The following AOX1 variants were observed in gnomAD, a reference collection of about 807,000 sequenced individuals.
AOX1 encodes aldehyde oxidase.
In AOX1, 153 loss-of-function variants were observed where a neutral mutation model predicts 169.5. The ratio of observed to expected loss-of-function variants is 0.90; its 90% CI spans 0.79 to 1.03. The LOEUF is 1.03. Among genes scored for constraint, AOX1 ranks in the 50% least tolerant of loss-of-function variants. The probability of loss-of-function intolerance (pLI) is 0.00; values close to 1 mark genes in which losing one functional copy is unlikely to be tolerated. For synonymous variants in AOX1, 562 were observed against 581.9 expected, an observed-to-expected ratio of 0.97 and a Z score of 0.49; for missense variants, 1,656 against 1,663.9, an observed-to-expected ratio of 1.00 and a Z score of 0.08.
intron 26 of AOX1, among the ~76,000 whole-genome samples, chr2:200,656,121 A>C (rs973565875): frequency 1.3e-5 from 2 of 152,232 alleles, no homozygotes; most frequent in Non-Finnish European, 2.9e-5. Flanking sequence ...GTTGCCTTGC[A>C]GGCTTTCCCG....
chr2:200,591,682 A>G (rs962675229), intron 1 of AOX1, among the ~76,000 whole-genome samples: 5 of 152,222 alleles, frequency 3.3e-5, no homozygotes, highest in Non-Finnish European at 7.3e-5. Flanking sequence ...CATCTCCATG[A>G]TTCAGGAATT....
At position 200,643,398 on chromosome 2, in the gene AOX1, C is replaced by CATATAT. The variant is rs1553575177; in HGVS notation, c.2847+607_2847+612dup. On this transcript the variant is annotated intron_variant, in intron 25 of 34. Transcript: ENST00000374700. ...GTGTATATATATATACACACACACA[C>CATATAT]ATATATATATATATACATACATACA... 1.2e-3 allele frequency among the ~76,000 whole-genome samples: 179 copies of CATATAT among 148,884 alleles called. 1 individual carries two copies. Among genetic ancestry groups the CATATAT allele is most frequent in the South Asian group, 4.5e-3 (21 of 4,704 alleles).
intron 18 of AOX1, among the ~76,000 whole-genome samples, chr2:200,623,137 A>G (rs1230413695): frequency 2.0e-5 from 3 of 152,264 alleles, no homozygotes; most frequent in African/African-American, 7.2e-5. Context: ...GAATCACAGC[A>G]TAAAGTAGGA....
chr2:200,627,045 G>A (rs1199706831), intron 19 of AOX1, among the ~76,000 whole-genome samples: 1 of 152,228 alleles, frequency 6.6e-6, no homozygotes, highest in Non-Finnish European at 1.5e-5. Context: ...TACATGAAAT[G>A]GATTGTGGTG....
chr2:200,670,933 T>C lies in AOX1; in HGVS notation c.*254T>C. The C allele has an allele frequency of 2.5e-6, 1 of 397,338 alleles. No individual in the cohort carries two copies. Among genetic ancestry groups the C allele is most frequent in the Non-Finnish European group, 4.5e-6 (1 of 222,720 alleles). The allele number at this position is 397,338 out of a possible 1,614,324, so 24.6% of individuals were successfully genotyped here. On this transcript the variant is annotated 3_prime_UTR_variant, in exon 35 of 35. Coordinates refer to ENST00000374700, the MANE Select transcript of AOX1 (RefSeq NM_001159.4). ...CCTCTAGGGTGATATCCGTCATTAC[T>C]CTGTCTCTTCAATCCATCCAGCTAA...
At chr2:200,617,506 AT>A (rs1247210921) in intron 16 of AOX1, among the ~76,000 whole-genome samples, 91 of 146,492 alleles carry the variant, frequency 6.2e-4, no homozygotes, top group African/African-American at 1.9e-3. Context: ...AAAAAAAAAA[AT>A]GTATGATATC....
intron 3 of AOX1, among the ~76,000 whole-genome samples, chr2:200,596,597 A>G (rs778450045): frequency 1.8e-4 from 28 of 152,190 alleles, no homozygotes; most frequent in Admixed American, 7.2e-4. Context: ...ATCAGCCCAC[A>G]TGCAACCATT....
rs1317709473 is a variant in AOX1 at position 200,641,093 on chromosome 2, C to A, written c.2569-5C>A. On this transcript the variant is annotated splice_polypyrimidine_tract_variant and splice_region_variant and intron_variant, in intron 23 of 34. Coordinates refer to ENST00000374700, the MANE Select transcript of AOX1 (RefSeq NM_001159.4). The stretch of plus-strand genomic sequence containing the variant: ...CCAGCATTCGATATCGGTTCTCTTC[C>A]CCAGGCTGGATTCATGAACGATGGC... The A allele has an allele frequency of 1.9e-6, 3 of 1,612,224 alleles. No homozygotes were observed. The highest frequency in any genetic ancestry group is 2.7e-5 in the African/African-American group (2 of 74,822).
chr2:200,643,398 C>CACGT (rs142362161), intron 25 of AOX1, among the ~76,000 whole-genome samples: 1 of 148,794 alleles, frequency 6.7e-6, no homozygotes, highest in Non-Finnish European at 1.5e-5. Flanking sequence ...CACACACACA[C>CACGT]ATATATATAT....
At chr2:200,626,345 C>G (rs999491040) in intron 19 of AOX1, among the ~76,000 whole-genome samples, 4 of 152,166 alleles carry the variant, frequency 2.6e-5, no homozygotes, top group African/African-American at 9.7e-5. Context: ...GGGGTGTTGT[C>G]TAGACACCTA....
chr2:200,624,021 C>G (rs374047581), intron 19 of AOX1, 38 bp downstream of exon 19: 184 of 1,609,718 alleles, frequency 1.1e-4, no homozygotes, highest in African/African-American at 2.7e-4. Context: ...CAGTTGGGAG[C>G]CAGAACAAAT....
At chr2:200,643,696 T>A (rs892867956) in intron 25 of AOX1, among the ~76,000 whole-genome samples, 25 of 152,096 alleles carry the variant, frequency 1.6e-4, no homozygotes, top group African/African-American at 6.0e-4. Context: ...GTGTTCCCTG[T>A]TCACCACATC....
At position 200,605,626 on chromosome 2, in the gene AOX1, A is replaced by G. The variant is rs1296549911; in HGVS notation, c.905A>G (p.Asn302Ser). Residue 302 changes from asparagine to serine, a missense_variant and splice_region_variant, in exon 10 of 35, where the codon AAT becomes AGT. Physicochemically the swap from Asn to Ser is conservative, Grantham distance 46. Transcript: ENST00000374700. The part of the protein sequence containing the change: ...EELSVVNHAY[N>S]GLTLGAGLSL... ...CTGAGTGTTGTAAACCATGCATATA[A>G]TGGTGAGTTCTCAAGTCCCTGTTTT... 1.1e-5 allele frequency: 16 copies of G among 1,492,742 alleles called. No homozygotes were observed. In the East Asian group the frequency reaches 3.9e-4, roughly 36 times the overall value. The allele number at this position is 1,492,742 out of a possible 1,614,324, so 92.5% of individuals were successfully genotyped here.
chr2:200,615,857 A>G, intron 15 of AOX1, 114 bp from the exon 16 acceptor site: 1 of 729,990 alleles, frequency 1.4e-6, no homozygotes, highest in South Asian at 1.7e-5. Context: ...AGTGCTTAAT[A>G]TACGTGAGAC....
At chr2:200,587,115 CAAACA>C (rs1003625489) in intron 1 of AOX1, among the ~76,000 whole-genome samples, 3 of 146,834 alleles carry the variant, frequency 2.0e-5, no homozygotes, top group African/African-American at 5.4e-5. Context: ...AAAAAAAAAC[CAAACA>C]AAACAAAACA....
At chr2:200,663,545 A>AAC (rs530782102) in intron 31 of AOX1, among the ~76,000 whole-genome samples, 5,838 of 117,692 alleles carry the variant, frequency 0.05, 249 homozygotes, top group African/African-American at 0.14. Flanking sequence ...CATACACACA[A>AAC]ACACACACAC....
chr2:200,659,213 G>A lies in AOX1; in HGVS notation c.3220G>A (p.Gly1074Arg). 1 of 1,613,982 alleles carries A rather than the reference G, an allele frequency of 6.2e-7. No individual in the cohort carries two copies. Among genetic ancestry groups the A allele is most frequent in the Non-Finnish European group, 8.5e-7 (1 of 1,179,918 alleles). ...GCCAATGTCGAATGTCCACCTGCGT[G>A]GAACAAGCACAGAAACTGTCCCTAA... is the stretch of plus-strand genomic sequence containing the variant. ...RMPMSNVHLR[G>R]TSTETVPNAN... Residue 1074 changes from glycine to arginine, a missense_variant, in exon 28 of 35, where the codon GGA (glycine) becomes AGA (arginine). Gly to Arg is a moderately radical substitution (Grantham distance 125, BLOSUM62 -2). Transcript: ENST00000374700.
chr2:200,594,020 G>A (rs189412525), intron 2 of AOX1, among the ~76,000 whole-genome samples: 64 of 152,290 alleles, frequency 4.2e-4, no homozygotes, highest in Non-Finnish European at 5.4e-4. Flanking sequence ...CATTGTGTTA[G>A]TTCAGGTTCT....
chr2:200,642,492 A>C, intron 24 of AOX1, 118 bp from the exon 25 acceptor site: 1 of 667,730 alleles, frequency 1.5e-6, no homozygotes, highest in Non-Finnish European at 2.5e-6. Flanking sequence ...GGAATATTTT[A>C]GCATGTTAGA....
Sources: gnomAD v4.1 joint callset for allele counts (sites outside exome capture counted in the v4.1 genomes callset) on GRCh38, gnomAD v4.1.1 for gene constraint, MANE v1.5 for transcripts, NCBI Gene and HGNC (gene_info 2026-07-23, HGNC 2026-07-21) for gene names.